The following ESX1 variants were observed in gnomAD, a reference collection of about 807,000 sequenced individuals.
The protein encoded by ESX1 is homeobox protein ESX1.
Under a neutral mutation model 13.2 loss-of-function variants are expected in ESX1, and 2 were observed. That is an observed-to-expected ratio of 0.15 (90% CI 0.06 to 0.48). The LOEUF is 0.48. ESX1 is among the 20% of genes least tolerant of loss of function. The pLI is 0.97. For synonymous variants in ESX1, 157 were observed against 163.1 expected, an observed-to-expected ratio of 0.96 and a Z score of 0.29; for missense variants, 307 against 379.0, an observed-to-expected ratio of 0.81 and a Z score of 1.58.
At position 104,250,513 on chromosome X, in the gene ESX1, C is replaced by T. The variant is rs782146429; in HGVS notation, c.936G>A (p.Val312=). 2.0e-5 allele frequency: 21 copies of T among 1,065,846 alleles called. No homozygotes were observed. In the Admixed American group the frequency reaches 2.0e-4, roughly 10 times the overall value. The allele number at this position is 1,065,846 out of a possible 1,213,427, so 87.8% of individuals were successfully genotyped here. A position where few individuals can be genotyped will look rare whatever the true frequency, so the allele number is the denominator to read the frequency against. The change falls in exon 4 of 4, where the codon GTG becomes GTA. Residue 312 remains valine (V), a synonymous_variant. Coordinates refer to ENST00000372588, the MANE Select transcript of ESX1 (RefSeq NM_153448.4). ...CAGGCGCCATGGGCGGCCCGGTTGG[C>T]ACAGGCGCCATGGGCGGCCAGGGTG... ...PVPPWPPMAP[V]PTGPPMAPVP... is the part of the protein sequence containing the mutation.
intron 1 of ESX1, 83 bp from the exon 2 acceptor site, chrX:104,254,660 G>A: frequency 8.7e-7 from 1 of 1,151,733 alleles, no homozygotes; most frequent in Non-Finnish European, 1.2e-6. Context: ...GACCCGCTAT[G>A]GAAGAGCAAC....
At position 104,254,407 on chromosome X, in the gene ESX1, G is replaced by C. The variant is rs1238977760; in HGVS notation, c.253C>G (p.Gln85Glu). Residue 85 changes from glutamine (Q) to glutamate (E), a missense_variant, in exon 2 of 4, where the codon CAG (glutamine) becomes GAG (glutamate). Gln to Glu is a conservative substitution (Grantham distance 29). Transcript: ENST00000372588. Reference protein sequence around the residue: ...EGGGGHEPEQQQEEPPLTKPE... With the variant: ...EGGGGHEPEQEQEEPPLTKPE... ...TTGGTCAGGGGCGGCTCCTCCTGCT[G>C]TTGCTCCGGCTCGTGGCCGCCGCCA... 4.2e-5 allele frequency: 51 copies of C among 1,210,058 alleles called. No individual in the cohort carries two copies. The highest frequency in any genetic ancestry group is 5.6e-5 in the Non-Finnish European group (50 of 895,180).
At position 104,254,930 on chromosome X, in the gene ESX1, C is replaced by T. The variant is rs116499044; in HGVS notation, c.-81G>A. The T allele has an allele frequency of 0.011, 9,238 of 868,099 alleles. 476 individuals carry two copies. The African/African-American group carries it at 0.16, about 15-fold the overall frequency. 71.5% of individuals were successfully genotyped at this position (868,099 alleles called of 1,213,427 possible). A position where few individuals can be genotyped will look rare whatever the true frequency, so the allele number is the denominator to read the frequency against. On this transcript the variant is annotated 5_prime_UTR_variant, in exon 1 of 4. Coordinates refer to ENST00000372588, the MANE Select transcript of ESX1 (RefSeq NM_153448.4). Reference sequence around the variant, plus strand: ...GCGGCGATCCCGGGGTTGGAACTGGCTCTGGGACCAATGGCTCGGGCGAGC... The same window carrying T: ...GCGGCGATCCCGGGGTTGGAACTGGTTCTGGGACCAATGGCTCGGGCGAGC...
In ESX1 at chrX:104,250,675, C is replaced by A; in HGVS notation, c.774G>T (p.Met258Ile). The A allele has an allele frequency of 8.3e-7, 1 of 1,211,200 alleles. No homozygotes were observed. The highest frequency in any genetic ancestry group is 1.1e-6 in the Non-Finnish European group (1 of 895,190). ...PVPPMPPRPP[M>I]VPMPPRPPIA... ...TGGGTGGCCTGGGTGGCATAGGGACCATGGGTGGCCTGGGTGGCATAGGTG... is the reference window on the plus strand; with the variant it reads ...TGGGTGGCCTGGGTGGCATAGGGACAATGGGTGGCCTGGGTGGCATAGGTG... The change falls in exon 4 of 4, where the codon ATG becomes ATT. Residue 258 changes from methionine to isoleucine, a missense_variant. This residue lies in a region of ESX1 where 108 missense variants were observed against 147.5 expected (regional missense o/e 0.73). Transcript: ENST00000372588.
intron 3 of ESX1, among the ~76,000 whole-genome samples, chrX:104,252,442 G>T (rs1923205337): frequency 8.9e-6 from 1 of 112,137 alleles, no homozygotes; most frequent in African/African-American, 3.2e-5. Context: ...ATGTATGTAT[G>T]TATGTGTATA....
Position 104,254,927 on chromosome X carries a change from T to G in ESX1, c.-78A>C. ...TCCGCGGCGATCCCGGGGTTGGAAC[T>G]GGCTCTGGGACCAATGGCTCGGGCG... is the stretch of plus-strand genomic sequence containing the variant. On this transcript the variant is annotated 5_prime_UTR_variant, in exon 1 of 4. Transcript: ENST00000372588. The G allele has an allele frequency of 1.6e-5, 14 of 895,985 alleles. No individual in the cohort carries two copies. The South Asian group carries it at 2.9e-4, about 19-fold the overall frequency. The allele number at this position is 895,985 out of a possible 1,213,427, so 73.8% of individuals were successfully genotyped here.
chrX:104,252,500 G>A (rs190097065), intron 3 of ESX1, among the ~76,000 whole-genome samples: 66 of 112,227 alleles, frequency 5.9e-4, no homozygotes, highest in African/African-American at 2.1e-3. Flanking sequence ...ATATACATGT[G>A]CATACACTAT....
chrX:104,254,712 G>A, intron 1 of ESX1, 56 bp downstream of exon 1: 1 of 1,162,225 alleles, frequency 8.6e-7, no homozygotes, highest in Non-Finnish European at 1.2e-6. Context: ...CCTCTCCCAG[G>A]GAAAAATTCC....
chrX:104,251,947 T>C (rs1170514191), intron 3 of ESX1, among the ~76,000 whole-genome samples: 1 of 112,468 alleles, frequency 8.9e-6, no homozygotes, highest in Non-Finnish European at 1.9e-5. Context: ...ATACAATTCT[T>C]CTCTAATCTT....
rs782576955 is a variant in ESX1, at chrX:104,252,812, G to A, written c.523C>T (p.Arg175Cys). 3 of 1,209,535 alleles carry A rather than the reference G, an allele frequency of 2.5e-6. No individual in the cohort carries two copies. Among genetic ancestry groups the A allele is most frequent in the Non-Finnish European group, 3.4e-6 (3 of 893,848 alleles). Residue 175 changes from arginine (R) to cysteine (C), a missense_variant, in exon 3 of 4, where the codon CGC (arginine) becomes TGC (cysteine). Physicochemically the swap from Arg to Cys is radical, Grantham distance 180. This residue lies in a region of ESX1 where 108 missense variants were observed against 147.5 expected (regional missense o/e 0.73). Transcript: ENST00000372588. ...DVVARERLAA[R>C]LNLTEDRVQV... ...ACTCTGTCTTCAGTCAAATTCAGGC[G>A]TGCTGCAAGTCTCTCTCTTAGGGGA...
At chrX:104,252,457 T>C (rs1923206252) in intron 3 of ESX1, among the ~76,000 whole-genome samples, 1 of 112,347 alleles carries the variant, frequency 8.9e-6, no homozygotes, top group Non-Finnish European at 1.9e-5. Context: ...TGTATACATG[T>C]GCATATATGT....
rs1569473104 is a variant in ESX1 at position 104,253,885 on chromosome X, T to C, written c.506+269A>G. 3.5e-5 allele frequency among the ~76,000 whole-genome samples: 4 copies of C among 112,802 alleles called. No homozygotes were observed. The South Asian group carries it at 1.1e-3, about 31-fold the overall frequency. ...AACTCGATAATCAAGACAAATAATA[T>C]TTTAATGCAATATTAAAACGTATCA... On this transcript the variant is annotated intron_variant, in intron 2 of 3. Coordinates refer to ENST00000372588, the MANE Select transcript of ESX1 (RefSeq NM_153448.4).
rs782543899 is a variant in ESX1 at position 104,252,763 on chromosome X, C to G, written c.552+20G>C. ...TTAGAATGGCTGTCCTGCCAAATTG[C>G]TTTTTCAAGATTTACTGACCTGCAC... On this transcript the variant is annotated intron_variant, in intron 3 of 3. Coordinates refer to ENST00000372588, the MANE Select transcript of ESX1 (RefSeq NM_153448.4). 6 of 1,206,203 alleles carry G rather than the reference C, an allele frequency of 5.0e-6. No individual in the cohort carries two copies. The highest frequency in any genetic ancestry group is 6.7e-6 in the Non-Finnish European group (6 of 891,963).
In ESX1 at chrX:104,250,300, G is replaced by A; in HGVS notation, c.1149C>T (p.His383=). Residue 383 remains histidine, a synonymous_variant, in exon 4 of 4, where the codon CAC becomes CAT. Coordinates refer to ENST00000372588, the MANE Select transcript of ESX1 (RefSeq NM_153448.4). ...TGATGTGTACAGGAGCCAGGCCAGT[G>A]TGAGGCACATGTGACCTGGGTGGCA... is the stretch of plus-strand genomic sequence containing the variant. ...APLPPRSHVP[H]TGLAPVHITW... is the part of the protein sequence containing the mutation. 1 of 1,196,965 alleles carries A rather than the reference G, an allele frequency of 8.4e-7. No individual in the cohort carries two copies. Among genetic ancestry groups the A allele is most frequent in the Non-Finnish European group, 1.1e-6 (1 of 888,593 alleles).
At position 104,254,231 on chromosome X, in the gene ESX1, G is replaced by T; in HGVS notation, c.429C>A (p.Arg143=). ...PQPPERKRRR[R]TAFTQFQLQE... ...GCAGCTGAAACTGCGTGAACGCGGT[G>T]CGGCGGCGGCGTTTCCTCTCTGGGG... The change falls in exon 2 of 4, where the codon CGC becomes CGA. Residue 143 remains arginine (R), a synonymous_variant. Coordinates refer to ENST00000372588, the MANE Select transcript of ESX1 (RefSeq NM_153448.4). 1 of 1,211,921 alleles carries T rather than the reference G, an allele frequency of 8.3e-7. No homozygotes were observed.
intron 2 of ESX1, among the ~76,000 whole-genome samples, chrX:104,253,755 A>G (rs1280488892): frequency 8.9e-6 from 1 of 111,793 alleles, no homozygotes; most frequent in Non-Finnish European, 1.9e-5. Flanking sequence ...AAAGCTCAAA[A>G]GTCCGCCCCC....
rs782268881 is a variant in ESX1, at chrX:104,250,619, G to A, written c.830C>T (p.Pro277Leu). The A allele has an allele frequency of 8.3e-6, 10 of 1,204,169 alleles. No homozygotes were observed. The highest frequency in any genetic ancestry group is 1.1e-5 in the Non-Finnish European group (10 of 891,458). Reference sequence around the variant, plus strand: ...CACAGGCGCCATGCGTGAGCCGGGTGGCACAGGCGCCATGGGTGGCATAGG... The same window carrying A: ...CACAGGCGCCATGCGTGAGCCGGGTAGCACAGGCGCCATGGGTGGCATAGG... ...IAPMPPMAPV[P>L]PGSRMAPVPP... Residue 277 changes from proline to leucine, a missense_variant, in exon 4 of 4, where the codon CCA (proline) becomes CTA (leucine). Around this residue, in one of 3 missense-constraint regions of ESX1, gnomAD observed 108 missense variants for 147.5 expected, o/e 0.73. Coordinates refer to ENST00000372588, the MANE Select transcript of ESX1 (RefSeq NM_153448.4).
In ESX1 at chrX:104,250,904, G is replaced by A; in HGVS notation, c.553-8C>T. The A allele has an allele frequency of 1.7e-6, 2 of 1,181,202 alleles. No homozygotes were observed. Among genetic ancestry groups the A allele is most frequent in the Non-Finnish European group, 2.3e-6 (2 of 876,894 alleles). The stretch of plus-strand genomic sequence containing the variant: ...TCTGTTCTGAAACCAAACCTTCAGA[G>A]GGGAAAAATGAATTGGTTTAGTATT... On this transcript the variant is annotated splice_polypyrimidine_tract_variant and splice_region_variant and intron_variant, in intron 3 of 3. Coordinates refer to ENST00000372588, the MANE Select transcript of ESX1 (RefSeq NM_153448.4).
Position 104,254,169 on chromosome X carries a change from G to A in ESX1, c.491C>T (p.Pro164Leu). The change falls in exon 2 of 4, where the codon CCC becomes CTC. Residue 164 changes from proline (P) to leucine (L), a missense_variant. Around this residue, in one of 3 missense-constraint regions of ESX1, gnomAD observed 108 missense variants for 147.5 expected, o/e 0.73. Coordinates refer to ENST00000372588, the MANE Select transcript of ESX1 (RefSeq NM_153448.4). Reference protein sequence around the residue: ...LENFFDESQYPDVVARERLAA... With the variant: ...LENFFDESQYLDVVARERLAA... ...AGCCACTTACCGCGCCACAACGTCG[G>A]GATATTGAGATTCATCGAAAAAGTT... 1 of 1,204,975 alleles carries A rather than the reference G, an allele frequency of 8.3e-7. No individual in the cohort carries two copies. Among genetic ancestry groups the A allele is most frequent in the Non-Finnish European group, 1.1e-6 (1 of 891,349 alleles).
Sources: allele counts gnomAD v4.1 joint callset (sites outside exome capture counted in the v4.1 genomes callset), GRCh38; gene constraint gnomAD v4.1.1; regional missense constraint gnomAD v4.1.1; transcripts MANE v1.5; gene names NCBI Gene and HGNC (gene_info 2026-07-23, HGNC 2026-07-21).